MLLT1: variants seen among roughly 807,000 people sequenced by gnomAD.
The protein encoded by MLLT1 is protein ENL.
In MLLT1, 11 loss-of-function variants were observed where a neutral mutation model predicts 55.1. The ratio of observed to expected loss-of-function variants is 0.20; its 90% CI spans 0.13 to 0.33. The LOEUF is 0.33. MLLT1 is among the 10% of genes least tolerant of loss of function. The pLI is 1.00. For synonymous variants in MLLT1, 323 were observed against 320.1 expected (o/e 1.01, Z -0.10); for missense variants, 536 against 760.6 (o/e 0.70, Z 3.47).
chr19:6,265,756 G>C (rs1207629681), intron 2 of MLLT1, among the ~76,000 whole-genome samples: 1 of 151,948 alleles, frequency 6.6e-6, no homozygotes, highest in African/African-American at 2.4e-5. Context: ...TGCAGCAGGC[G>C]GATCACGAGG....
At chr19:6,221,398 G>T (rs1343581167) in intron 6 of MLLT1, among the ~76,000 whole-genome samples, 1 of 152,214 alleles carries the variant, frequency 6.6e-6, no homozygotes, top group South Asian at 2.1e-4. Context: ...CAGCTCTTGC[G>T]GCTCAAGTCA....
In MLLT1 at chr19:6,231,892, G is replaced by A. The variant is rs564461880; in HGVS notation, c.277-1179C>T. ...GGTCCCAGGGGAGTGTGGGAAAACC[G>A]CACTATGACAAGCACGAATGTCACA... On this transcript the variant is annotated intron_variant, in intron 3 of 11. Transcript: ENST00000252674. The surrounding 1 kb of genome is among the most constrained non-coding windows in gnomAD (Gnocchi z 5.1). Among the ~76,000 whole-genome samples the A allele has an allele frequency of 1.3e-5, 2 of 151,998 alleles. No homozygotes were observed. The highest frequency in any genetic ancestry group is 3.9e-4 in the East Asian group (2 of 5,142).
chr19:6,272,964 A>G (rs1212128242), intron 1 of MLLT1, among the ~76,000 whole-genome samples: 6 of 152,226 alleles, frequency 3.9e-5, no homozygotes, highest in Non-Finnish European at 5.9e-5. Flanking sequence ...TTGTCAACTA[A>G]AAATTAATTT....
At chr19:6,243,785 T>C (rs2091139019) in intron 3 of MLLT1, among the ~76,000 whole-genome samples, 1 of 152,122 alleles carries the variant, frequency 6.6e-6, no homozygotes, top group Non-Finnish European at 1.5e-5. Flanking sequence ...GGCTCACGCC[T>C]GTAATCCCAG....
chr19:6,222,446 T>C lies in MLLT1; in HGVS notation c.785A>G (p.Lys262Arg). The C allele has an allele frequency of 2.6e-6, 4 of 1,565,468 alleles. No individual in the cohort carries two copies. Among genetic ancestry groups the C allele is most frequent in the Non-Finnish European group, 3.5e-6 (4 of 1,159,022 alleles). Reference sequence around the variant, plus strand: ...ACCCTTGGGGGACGTGCTTTCCAGCTTGGTCTCTTTCAGGGCCATCTTGGG... The same window carrying C: ...ACCCTTGGGGGACGTGCTTTCCAGCCTGGTCTCTTTCAGGGCCATCTTGGG... ...KEPKMALKET[K>R]LESTSPKGGP... Residue 262 changes from lysine (K) to arginine (R), a missense_variant, in exon 6 of 12, where the codon AAG (lysine) becomes AGG (arginine). Physicochemically the swap from Lys to Arg is conservative, Grantham distance 26 (BLOSUM62 2). This residue lies in a region of MLLT1 where 449 missense variants were observed against 489.0 expected (regional missense o/e 0.92). Transcript: ENST00000252674. The surrounding 1 kb of genome is among the most constrained non-coding windows in gnomAD (Gnocchi z 4.1).
chr19:6,218,408 C>T (rs116618915), intron 6 of MLLT1, among the ~76,000 whole-genome samples: 1,558 of 152,328 alleles, frequency 0.01, 30 homozygotes, highest in African/African-American at 0.035. Context: ...TGCCTTCGTC[C>T]AAGAGGGCAG....
chr19:6,244,043 CAAAAAA>C (rs1179461309), intron 3 of MLLT1, among the ~76,000 whole-genome samples: 1 of 45,170 alleles, frequency 2.2e-5, no homozygotes. Context: ...GACTCCACCT[CAAAAAA>C]AAAAAAAAAA....
At position 6,222,457 on chromosome 19, in the gene MLLT1, C is replaced by T; in HGVS notation, c.774G>A (p.Leu258=). Residue 258 remains leucine, a synonymous_variant, in exon 6 of 12, where the codon CTG becomes CTA. Coordinates refer to ENST00000252674, the MANE Select transcript of MLLT1 (RefSeq NM_005934.4). This position sits in a 1 kb window ranked among gnomAD's most constrained non-coding sequence, Gnocchi z 4.1. ...ACGTGCTTTCCAGCTTGGTCTCTTTCAGGGCCATCTTGGGTTCCTTGAAGG... is the reference window on the plus strand; with the variant it reads ...ACGTGCTTTCCAGCTTGGTCTCTTTTAGGGCCATCTTGGGTTCCTTGAAGG... The part of the protein sequence containing the change: ...KAAFKEPKMA[L]KETKLESTSP... The T allele has an allele frequency of 6.3e-7, 1 of 1,581,184 alleles. No individual in the cohort carries two copies.
At chr19:6,236,381 C>T (rs1213620385) in intron 3 of MLLT1, among the ~76,000 whole-genome samples, 1 of 152,206 alleles carries the variant, frequency 6.6e-6, no homozygotes, top group Non-Finnish European at 1.5e-5. Flanking sequence ...GGGATCTGGG[C>T]AGCAGCAGAG....
intron 6 of MLLT1, among the ~76,000 whole-genome samples, chr19:6,218,753 C>T (rs534247871): frequency 6.6e-6 from 1 of 152,204 alleles, no homozygotes; most frequent in African/African-American, 2.4e-5. Context: ...GGGGCAGAGG[C>T]GTAGCTCCTG....
intron 2 of MLLT1, among the ~76,000 whole-genome samples, chr19:6,267,746 A>G (rs10405167): frequency 0.23 from 34,749 of 152,120 alleles, 4,431 homozygotes; most frequent in Non-Finnish European, 0.3. Flanking sequence ...CTTACAGTCA[A>G]TCTATAATCG....
Position 6,227,194 on chromosome 19 carries a change from G to T in MLLT1, c.421-92C>A. The T allele has an allele frequency of 7.4e-7, 1 of 1,344,658 alleles. No individual in the cohort carries two copies. The allele number at this position is 1,344,658 out of a possible 1,614,324, so 83.3% of individuals were successfully genotyped here. A position where few individuals can be genotyped will look rare whatever the true frequency, so the allele number is the denominator to read the frequency against. ...GAAGGTGGTGGGGCTTCCCTCTGCA[G>T]GAGGGGAGAAGGGAGAGCCTGAGCG... On this transcript the variant is annotated intron_variant, in intron 4 of 11. Coordinates refer to ENST00000252674, the MANE Select transcript of MLLT1 (RefSeq NM_005934.4). The surrounding 1 kb of genome is among the most constrained non-coding windows in gnomAD (Gnocchi z 5.1).
At chr19:6,233,333 C>T (rs1449225782) in intron 3 of MLLT1, among the ~76,000 whole-genome samples, 1 of 152,206 alleles carries the variant, frequency 6.6e-6, no homozygotes, top group African/African-American at 2.4e-5. Flanking sequence ...ACCACGAGTC[C>T]GGTCAGAGCA....
chr19:6,272,203 T>C (rs1477523310), intron 1 of MLLT1, among the ~76,000 whole-genome samples: 2 of 152,166 alleles, frequency 1.3e-5, no homozygotes, highest in South Asian at 2.1e-4. Context: ...TCTCTTTTCA[T>C]GTCCTAACCC....
rs550055988 is a variant in MLLT1, at chr19:6,262,760, C to T, written c.194-450G>A. 2.6e-5 allele frequency among the ~76,000 whole-genome samples: 4 copies of T among 152,252 alleles called. No homozygotes were observed. The East Asian group carries it at 5.8e-4, about 22-fold the overall frequency. On this transcript the variant is annotated intron_variant, in intron 2 of 11. Transcript: ENST00000252674. This position sits in a 1 kb window ranked among gnomAD's most constrained non-coding sequence, Gnocchi z 4.4. ...CGGGGGCTGAGCACCTGCTGCACCA[C>T]GGACACATGCACTGGGAGACAGGGG...
intron 3 of MLLT1, among the ~76,000 whole-genome samples, chr19:6,233,458 G>A (rs1479233150): frequency 3.3e-5 from 5 of 152,190 alleles, no homozygotes; most frequent in South Asian, 2.1e-4. Context: ...AGCCCCAGGC[G>A]GGGAGGTGTG....
chr19:6,234,216 C>T (rs575913511), intron 3 of MLLT1, among the ~76,000 whole-genome samples: 11 of 152,326 alleles, frequency 7.2e-5, no homozygotes, highest in African/African-American at 2.4e-4. Flanking sequence ...GGTGTCCTCG[C>T]GGGACCCCCG....
At position 6,245,204 on chromosome 19, in the gene MLLT1, T is replaced by C. The variant is rs557786918; in HGVS notation, c.277-14491A>G. Reference sequence around the variant, plus strand: ...AAAAATTTTTTTAAATCTTTTCTTTTTTTCCTTTCTTTCTTTCTTTCTTTC... The same window carrying C: ...AAAAATTTTTTTAAATCTTTTCTTTCTTTCCTTTCTTTCTTTCTTTCTTTC... On this transcript the variant is annotated intron_variant, in intron 3 of 11. Coordinates refer to ENST00000252674, the MANE Select transcript of MLLT1 (RefSeq NM_005934.4). 4.1e-3 allele frequency among the ~76,000 whole-genome samples: 616 copies of C among 150,452 alleles called. 3 individuals are homozygous for C. The highest frequency in any genetic ancestry group is 0.013 in the African/African-American group (536 of 40,338).
In MLLT1 at chr19:6,213,765, G is replaced by A; in HGVS notation, c.1440C>T (p.Ser480=). The A allele has an allele frequency of 6.2e-7, 1 of 1,609,052 alleles. No homozygotes were observed. The highest frequency in any genetic ancestry group is 8.5e-7 in the Non-Finnish European group (1 of 1,179,114). The change falls in exon 10 of 12, where the codon AGC becomes AGT. Residue 480 remains serine, a synonymous_variant. Coordinates refer to ENST00000252674, the MANE Select transcript of MLLT1 (RefSeq NM_005934.4). ...VSGRRSPESC[S]KPEKILKKGT... is the part of the protein sequence containing the mutation. ...CCTTCTTGAGGATCTTCTCAGGCTT[G>A]CTGCAGGACTCGGGGCTCCTCCGGC...
Sources: allele counts gnomAD v4.1 joint callset (sites outside exome capture counted in the v4.1 genomes callset), GRCh38; gene constraint gnomAD v4.1.1; regional missense constraint gnomAD v4.1.1; non-coding constraint Gnocchi (gnomAD v3.1); transcripts MANE v1.5; gene names NCBI Gene and HGNC (gene_info 2026-07-23, HGNC 2026-07-21).